Variants in PPWD1 observed in about 807,000 individuals in gnomAD.
PPWD1 encodes peptidylprolyl isomerase domain and WD repeat containing 1, also known as peptidylprolyl isomerase domain and WD repeat-containing protein 1.
In PPWD1, 43 loss-of-function variants were observed where a neutral mutation model predicts 68.8. The ratio of observed to expected loss-of-function variants is 0.62; its 90% CI spans 0.49 to 0.81. The LOEUF is 0.81. PPWD1 is among the 30% of genes least tolerant of loss of function. PPWD1 has a pLI of 0.00. For synonymous variants in PPWD1, 232 were observed against 258.7 expected (o/e 0.90, Z 0.99); for missense variants, 672 against 804.8 (o/e 0.83, Z 2.00).
chr5:65,565,807 CAA>C (rs35080676), intron 1 of PPWD1, among the ~76,000 whole-genome samples: 45,527 of 102,808 alleles, frequency 0.44, 6,280 homozygotes, highest in South Asian at 0.49. Context: ...GACTCCGTCT[CAA>C]AAAAAAAAAA....
At chr5:65,571,676 A>G (rs922909763) in intron 4 of PPWD1, 163 bp from the exon 5 acceptor site, 19 of 788,110 alleles carry the variant, frequency 2.4e-5, no homozygotes, top group African/African-American at 1.3e-4. Flanking sequence ...ATAAGTAACT[A>G]TTCTTAGCTG....
At chr5:65,578,301 T>A (rs155064) in intron 6 of PPWD1, among the ~76,000 whole-genome samples, 101,516 of 152,134 alleles carry the variant, frequency 0.67, 34,563 homozygotes, top group African/African-American at 0.79. Context: ...GCTGCTATAA[T>A]CATCTGTGTA....
rs750547862 is a variant in PPWD1 at position 65,563,326 on chromosome 5, G to A, written c.16G>A (p.Gly6Ser). The A allele has an allele frequency of 1.9e-6, 3 of 1,613,546 alleles. No individual in the cohort carries two copies. In the South Asian group the frequency reaches 3.3e-5, roughly 18 times the overall value. Residue 6 changes from glycine (G) to serine (S), a missense_variant, in exon 1 of 11, where the codon GGT becomes AGT. Physicochemically the swap from Gly to Ser is moderately conservative, Grantham distance 56. Coordinates refer to ENST00000261308, the MANE Select transcript of PPWD1 (RefSeq NM_015342.4). ...TGCGAACAACATGGCGGCGGAAAGT[G>A]GTAGCGATTTTCAGCAGAGACGTAG... The part of the protein sequence containing the change: MAAES[G>S]SDFQQRRRRR...
intron 8 of PPWD1, among the ~76,000 whole-genome samples, chr5:65,584,435 A>G (rs1460050564): frequency 6.6e-6 from 1 of 152,226 alleles, no homozygotes; most frequent in African/African-American, 2.4e-5. Context: ...TGTCATTTCT[A>G]TGATTAAGGT....
intron 1 of PPWD1, chr5:65,563,951 T>G (rs1183807828): frequency 9.7e-7 from 1 of 1,031,754 alleles, no homozygotes; most frequent in Non-Finnish European, 1.4e-6. Flanking sequence ...TCATGGTAGG[T>G]AAAGATAATT....
In PPWD1 at chr5:65,586,059, G is replaced by A. The variant is rs1228373315; in HGVS notation, c.1675G>A (p.Gly559Arg). Residue 559 changes from glycine (G) to arginine (R), a missense_variant, in exon 10 of 11, where the codon GGA becomes AGA. Gly to Arg is a moderately radical substitution (Grantham distance 125). Around this residue, in one of 2 missense-constraint regions of PPWD1, gnomAD observed 484 missense variants for 646.2 expected, o/e 0.75. Transcript: ENST00000261308. The part of the protein sequence containing the change: ...GTGMGGESIW[G>R]GEFEDEFHST... The stretch of plus-strand genomic sequence containing the variant: ...TGGTATGGGAGGAGAAAGCATATGG[G>A]GAGGAGAATTTGAAGATGAATTTCA... The A allele has an allele frequency of 1.2e-6, 2 of 1,613,540 alleles. No individual in the cohort carries two copies. Among genetic ancestry groups the A allele is most frequent in the Admixed American group, 1.7e-5 (1 of 59,962 alleles).
At chr5:65,571,652 C>A in intron 4 of PPWD1, 187 bp from the exon 5 acceptor site, 1 of 636,696 alleles carries the variant, frequency 1.6e-6, no homozygotes, top group Non-Finnish European at 2.0e-6. Context: ...CTGATGAGGT[C>A]AGAAAGAGAA....
At chr5:65,572,481 T>C (rs1461340746) in intron 5 of PPWD1, among the ~76,000 whole-genome samples, 195 bp downstream of exon 5, 1 of 152,208 alleles carries the variant, frequency 6.6e-6, no homozygotes, top group Non-Finnish European at 1.5e-5. Context: ...GTTTATGATG[T>C]GCGTTTTTCA....
At position 65,585,034 on chromosome 5, in the gene PPWD1, ACTT is replaced by A. The variant is rs1286264844; in HGVS notation, c.1556_1558del (p.Phe519del). ...AATAGGTGCCCTAAGACAGTGGAAA[ACTT>A]CTGTGTTCACAGCAGAAATGGTTAT... On this transcript the variant is annotated inframe_deletion, in exon 9 of 11. Coordinates refer to ENST00000261308, the MANE Select transcript of PPWD1 (RefSeq NM_015342.4). 1.9e-6 allele frequency: 3 copies of A among 1,612,574 alleles called. No homozygotes were observed. Among genetic ancestry groups the A allele is most frequent in the South Asian group, 1.1e-5 (1 of 91,014 alleles).
At chr5:65,577,104 GTGTT>G in intron 6 of PPWD1, 35 bp downstream of exon 6, 1 of 1,575,660 alleles carries the variant, frequency 6.3e-7, no homozygotes, top group Non-Finnish European at 8.6e-7. Flanking sequence ...TTTTAAAAAT[GTGTT>G]TGTGGGGGAC....
chr5:65,576,997 T>C lies in PPWD1; in HGVS notation c.1088T>C (p.Phe363Ser), dbSNP rs1581158749. 1 of 1,614,184 alleles carries C rather than the reference T, an allele frequency of 6.2e-7. No homozygotes were observed. The highest frequency in any genetic ancestry group is 8.5e-7 in the Non-Finnish European group (1 of 1,180,006). ...VDAVRLINIVFDETGHFVLYG... is the reference protein window; with the variant it reads ...VDAVRLINIVSDETGHFVLYG... ...GCTGTAAGATTAATTAATATAGTTT[T>C]TGATGAAACTGGACACTTCGTGCTG... The change falls in exon 6 of 11, where the codon TTT (phenylalanine) becomes TCT (serine). Residue 363 changes from phenylalanine to serine, a missense_variant. Coordinates refer to ENST00000261308, the MANE Select transcript of PPWD1 (RefSeq NM_015342.4).
intron 10 of PPWD1, 30 bp from the exon 11 acceptor site, chr5:65,587,223 C>A: frequency 6.4e-7 from 1 of 1,572,720 alleles, no homozygotes; most frequent in South Asian, 1.2e-5. Flanking sequence ...TTGGGGTTTA[C>A]CAAGATTTTC....
intron 10 of PPWD1, 65 bp downstream of exon 10, chr5:65,586,246 A>G (rs1227000332): frequency 1.4e-6 from 2 of 1,440,862 alleles, no homozygotes; most frequent in Non-Finnish European, 9.4e-7. Context: ...GAGTGAACTC[A>G]GTAGAAGAGC....
chr5:65,583,242 T>C (rs1007967377), intron 8 of PPWD1, 23 bp downstream of exon 8: 9 of 1,480,552 alleles, frequency 6.1e-6, no homozygotes, highest in East Asian at 2.4e-5. Context: ...ACTGTTTTTA[T>C]TGGCTTATGT....
intron 9 of PPWD1, 146 bp downstream of exon 9, chr5:65,585,241 GTGGA>G: frequency 5.4e-6 from 4 of 746,100 alleles, no homozygotes; most frequent in Non-Finnish European, 8.6e-6. Flanking sequence ...CAAAGGAGGA[GTGGA>G]TGGTCATAAA....
At chr5:65,569,063 T>C (rs1752896994) in intron 2 of PPWD1, 2 of 454,958 alleles carry the variant, frequency 4.4e-6, no homozygotes, top group South Asian at 1.6e-5. Context: ...GTAGAGTTGC[T>C]GTAAAATTAA....
At chr5:65,578,071 C>T (rs1753387123) in intron 6 of PPWD1, among the ~76,000 whole-genome samples, 1 of 152,188 alleles carries the variant, frequency 6.6e-6, no homozygotes, top group Non-Finnish European at 1.5e-5. Context: ...TTGCCTCTTC[C>T]AGAATGTGAT....
chr5:65,586,283 T>C (rs1158250503), intron 10 of PPWD1, 102 bp downstream of exon 10: 6 of 1,130,646 alleles, frequency 5.3e-6, no homozygotes, highest in Non-Finnish European at 1.2e-6. Context: ...TTCTGCATTA[T>C]TTATATCATC....
Position 65,567,600 on chromosome 5 carries a change from A to G in PPWD1, c.284A>G (p.His95Arg). 6.2e-7 allele frequency: 1 copy of G among 1,608,996 alleles called. No individual in the cohort carries two copies. ...RSYMHRDVIT[H>R]VVCTKTDFII... is the part of the protein sequence containing the mutation. Reference sequence around the variant, plus strand: ...TACATGCATAGAGATGTTATCACCCATGTGGTATGCACCAAGTAAGTCTAT... The same window carrying G: ...TACATGCATAGAGATGTTATCACCCGTGTGGTATGCACCAAGTAAGTCTAT... Residue 95 changes from histidine to arginine, a missense_variant, in exon 2 of 11, where the codon CAT becomes CGT. This residue lies in a region of PPWD1 where 188 missense variants were observed against 158.6 expected (regional missense o/e 1.19). Coordinates refer to ENST00000261308, the MANE Select transcript of PPWD1 (RefSeq NM_015342.4).
Sources: gnomAD v4.1 joint callset for allele counts (sites outside exome capture counted in the v4.1 genomes callset) on GRCh38, gnomAD v4.1.1 for gene constraint, gnomAD v4.1.1 regional missense constraint, MANE v1.5 for transcripts, NCBI Gene and HGNC (gene_info 2026-07-23, HGNC 2026-07-21) for gene names.